Variants in EFEMP1 observed in about 807,000 individuals in gnomAD.
EFEMP1 encodes EGF-containing fibulin-like extracellular matrix protein 1.
In EFEMP1, 18 loss-of-function variants were observed where a neutral mutation model predicts 65.7. The observed-to-expected ratio is 0.27, with a 90% CI of 0.19 to 0.41. The LOEUF is 0.41. Ranked by LOEUF, EFEMP1 falls within the 10% of genes least tolerant of loss-of-function variation. The pLI, the probability that EFEMP1 is intolerant of heterozygous loss-of-function variation, is 1.00. For synonymous variants in EFEMP1, 237 were observed against 219.7 expected (o/e 1.08, Z -0.70); for missense variants, 469 against 624.8 (o/e 0.75, Z 2.66).
chr2:55,914,834 T>A (rs1670615618), intron 5 of EFEMP1, among the ~76,000 whole-genome samples: 1 of 152,216 alleles, frequency 6.6e-6, no homozygotes, highest in South Asian at 2.1e-4. Context: ...TCAAACTCCA[T>A]GATGATGTCA....
Position 55,920,565 on chromosome 2 carries a change from G to A in EFEMP1, c.81+1795C>T, listed in dbSNP as rs148180017. On this transcript the variant is annotated intron_variant, in intron 3 of 11. Transcript: ENST00000355426. ...CATTCTTCTGAAAAGTATCTTTCAA[G>A]CCAGGCAAAAATGGCAGTTCACTTG... Among the ~76,000 whole-genome samples the A allele has an allele frequency of 3.7e-4, 57 of 152,348 alleles. 1 individual carries two copies. Among genetic ancestry groups the A allele is most frequent in the Middle Eastern group, 3.4e-3 (1 of 294 alleles).
At chr2:55,911,373 A>C (rs1670477874) in intron 5 of EFEMP1, among the ~76,000 whole-genome samples, 1 of 152,058 alleles carries the variant, frequency 6.6e-6, no homozygotes, top group Non-Finnish European at 1.5e-5. Flanking sequence ...CTGCCCTCTG[A>C]TTTATATAGC....
At position 55,895,033 on chromosome 2, in the gene EFEMP1, G is replaced by A. The variant is rs145396106; in HGVS notation, c.518-13299C>T. Among the ~76,000 whole-genome samples, 10 of 152,326 alleles carry A rather than the reference G, an allele frequency of 6.6e-5. No individual in the cohort carries two copies. In the East Asian group the frequency reaches 1.9e-3, roughly 29 times the overall value. ...TGCTGCCACCTCTGAAATGGTGTGA[G>A]GACTGCCTTCTATTGGTCTGTGGGC... On this transcript the variant is annotated intron_variant, in intron 5 of 11. Transcript: ENST00000355426.
intron 5 of EFEMP1, among the ~76,000 whole-genome samples, chr2:55,900,627 TA>T (rs1384873266): frequency 2.0e-5 from 3 of 151,596 alleles, no homozygotes; most frequent in Admixed American, 2.0e-4. Context: ...CTTTGGATTT[TA>T]GTTATACTTT....
chr2:55,893,015 T>C (rs1669689858), intron 5 of EFEMP1, among the ~76,000 whole-genome samples: 1 of 152,144 alleles, frequency 6.6e-6, no homozygotes, highest in African/African-American at 2.4e-5. Flanking sequence ...CCCCTAGAAA[T>C]GTAATAATTT....
chr2:55,874,365 T>G (rs1043923092), intron 9 of EFEMP1, among the ~76,000 whole-genome samples: 4 of 151,852 alleles, frequency 2.6e-5, no homozygotes, highest in African/African-American at 2.4e-5. Flanking sequence ...CATACCATTG[T>G]GGGGAGCTGC....
intron 11 of EFEMP1, among the ~76,000 whole-genome samples, chr2:55,869,820 T>A (rs1034499625): frequency 6.6e-6 from 1 of 152,142 alleles, no homozygotes; most frequent in Non-Finnish European, 1.5e-5. Context: ...GTGCCATCAT[T>A]TTCACATGAA....
intron 5 of EFEMP1, among the ~76,000 whole-genome samples, chr2:55,903,676 C>A (rs72809698): frequency 9.2e-5 from 14 of 152,168 alleles, no homozygotes; most frequent in African/African-American, 3.4e-4. Flanking sequence ...CTAAAGACTT[C>A]TTTAGCCAAT....
At chr2:55,920,548 T>C (rs1194857498) in intron 3 of EFEMP1, among the ~76,000 whole-genome samples, 2 of 152,260 alleles carry the variant, frequency 1.3e-5, no homozygotes, top group Non-Finnish European at 2.9e-5. Flanking sequence ...CCCATTCTTC[T>C]GAAAAGTATC....
chr2:55,878,842 A>G (rs546111744), intron 6 of EFEMP1, among the ~76,000 whole-genome samples: 351 of 152,276 alleles, frequency 2.3e-3, no homozygotes, highest in Non-Finnish European at 4.1e-3. Context: ...AATTATTGGG[A>G]GGGTTACAAG....
At chr2:55,888,591 C>T (rs1377917526) in intron 5 of EFEMP1, among the ~76,000 whole-genome samples, 4 of 152,014 alleles carry the variant, frequency 2.6e-5, no homozygotes, top group Admixed American at 2.6e-4. Flanking sequence ...CCCACCTTGG[C>T]CTCCCAAAGT....
At chr2:55,900,115 TG>T (rs1669977421) in intron 5 of EFEMP1, among the ~76,000 whole-genome samples, 1 of 152,196 alleles carries the variant, frequency 6.6e-6, no homozygotes, top group African/African-American at 2.4e-5. Flanking sequence ...CTGAGTTTCG[TG>T]GTAAGTGGCA....
intron 5 of EFEMP1, among the ~76,000 whole-genome samples, chr2:55,900,649 A>C (rs1040408655): frequency 4.0e-5 from 5 of 124,304 alleles, no homozygotes; most frequent in African/African-American, 1.8e-4. Context: ...CTAATAGCTG[A>C]ATTAGCCTTT....
intron 5 of EFEMP1, among the ~76,000 whole-genome samples, chr2:55,893,037 C>T (rs1669690670): frequency 6.6e-6 from 1 of 152,130 alleles, no homozygotes; most frequent in South Asian, 2.1e-4. Context: ...TTTATAGAAA[C>T]TTTTAAGTGA....
At chr2:55,901,238 C>A (rs144442646) in intron 5 of EFEMP1, among the ~76,000 whole-genome samples, 9 of 152,280 alleles carry the variant, frequency 5.9e-5, no homozygotes, top group Admixed American at 1.3e-4. Context: ...AAAGCAAGAG[C>A]AGTGTTTATT....
At chr2:55,878,765 TCTTTGTTCTGGCAATTA>T (rs1475503712) in intron 6 of EFEMP1, among the ~76,000 whole-genome samples, 1 of 152,188 alleles carries the variant, frequency 6.6e-6, no homozygotes, top group Non-Finnish European at 1.5e-5. Flanking sequence ...TGAGTCTGAA[TCTTTGTTCTGGCAATTA>T]CTAGCTTGGT....
chr2:55,910,357 C>T (rs1670436520), intron 5 of EFEMP1, among the ~76,000 whole-genome samples: 1 of 152,146 alleles, frequency 6.6e-6, no homozygotes, highest in African/African-American at 2.4e-5. Flanking sequence ...GCAATTACCT[C>T]CTGGAAAAAG....
At chr2:55,897,392 A>C (rs950439299) in intron 5 of EFEMP1, among the ~76,000 whole-genome samples, 4 of 78,858 alleles carry the variant, frequency 5.1e-5, no homozygotes, top group African/African-American at 4.4e-4. Context: ...TCTGATAGAA[A>C]ATAAAAAGTA....
intron 5 of EFEMP1, among the ~76,000 whole-genome samples, chr2:55,903,760 T>C (rs1411130023): frequency 1.3e-5 from 2 of 152,194 alleles, no homozygotes; most frequent in Non-Finnish European, 2.9e-5. Flanking sequence ...TTGAGGGACA[T>C]ATGCATTTAT....
Sources: gnomAD v4.1 joint callset for allele counts (sites outside exome capture counted in the v4.1 genomes callset) on GRCh38, gnomAD v4.1.1 for gene constraint, MANE v1.5 for transcripts, NCBI Gene and HGNC (gene_info 2026-07-23, HGNC 2026-07-21) for gene names.